Variants in CFAP119 observed in about 807,000 individuals in gnomAD.
CFAP119 encodes cilia and flagella associated protein 119, also known as cilia- and flagella-associated protein 119.
the CFAP119 span, chr16:30,761,981 C>T: frequency 1.8e-6 from 1 of 560,610 alleles, no homozygotes; most frequent in Non-Finnish European, 3.1e-6. Flanking sequence ...AGGCTCACGC[C>T]AGTGGGAGCG....
the CFAP119 span, chr16:30,761,800 C>G: frequency 6.6e-5 from 96 of 1,445,452 alleles, no homozygotes; most frequent in Admixed American, 2.2e-4. Context: ...CGCCTAGGTT[C>G]CAGGACAGCC....
chr16:30,761,749 C>CT, the CFAP119 span: 1 of 1,521,400 alleles, frequency 6.6e-7, no homozygotes, highest in Admixed American at 2.0e-5. Context: ...GGTTGAGCAT[C>CT]TCGCCGCTCT....
chr16:30,760,758 C>G, the CFAP119 span: 1 of 1,224,968 alleles, frequency 8.2e-7, no homozygotes, highest in Non-Finnish European at 1.2e-6. Context: ...GAGTTGGCCA[C>G]CGGCGTGAAG....
chr16:30,761,287 C>A, the CFAP119 span: 1 of 1,610,056 alleles, frequency 6.2e-7, no homozygotes, highest in East Asian at 2.2e-5. Context: ...CGTAGCGAAT[C>A]TCCAGCAGGC....
At chr16:30,759,745 C>G in the CFAP119 span, 1 of 1,594,508 alleles carries the variant, frequency 6.3e-7, no homozygotes, top group Non-Finnish European at 8.5e-7. Context: ...AAGCAAGATG[C>G]AGCAGTGAGG....
chr16:30,761,380 T>G, the CFAP119 span: 1 of 1,384,164 alleles, frequency 7.2e-7, no homozygotes, highest in Non-Finnish European at 1.0e-6. Flanking sequence ...AGGCCCTAGG[T>G]GCTCTACGCG....
At chr16:30,760,986 A>T in the CFAP119 span, 1 of 625,288 alleles carries the variant, frequency 1.6e-6, no homozygotes, top group Non-Finnish European at 2.8e-6. Context: ...ATGAGACTCC[A>T]TTTACATTCT....
the CFAP119 span, chr16:30,759,724 G>A: frequency 6.2e-7 from 1 of 1,606,532 alleles, no homozygotes; most frequent in Non-Finnish European, 8.5e-7. Context: ...CAAGGGGGTT[G>A]CTGGTAGGGA....
chr16:30,758,785 G>A, the CFAP119 span: 1 of 685,132 alleles, frequency 1.5e-6, no homozygotes, highest in Non-Finnish European at 2.3e-6. Flanking sequence ...GAACTCCTGA[G>A]CTCAGGCAAT....
At chr16:30,760,978 G>A in the CFAP119 span, 2 of 618,558 alleles carry the variant, frequency 3.2e-6, no homozygotes, top group Non-Finnish European at 5.7e-6. Context: ...TAGCGGCCAT[G>A]AGACTCCATT....
chr16:30,760,660 A>C, the CFAP119 span: 4 of 1,548,332 alleles, frequency 2.6e-6, no homozygotes, highest in Non-Finnish European at 2.6e-6. Context: ...ATGGACGTCC[A>C]GGTACTTCCT....
At chr16:30,759,550 A>G in the CFAP119 span, 1 of 1,614,124 alleles carries the variant, frequency 6.2e-7, no homozygotes, top group Non-Finnish European at 8.5e-7. Context: ...AGGAGAGCCC[A>G]CTGGGGTCTT....
At chr16:30,760,614 C>T in the CFAP119 span, 2 of 1,557,984 alleles carry the variant, frequency 1.3e-6, no homozygotes, top group African/African-American at 1.4e-5. Context: ...ACTCCCTCAT[C>T]TCAGCATTGG....
the CFAP119 span, chr16:30,760,823 C>G: frequency 1.4e-6 from 1 of 693,388 alleles, no homozygotes; most frequent in Non-Finnish European, 2.6e-6. Context: ...ACTCTCTGGG[C>G]CTAAATGAAC....
chr16:30,759,612 T>G, the CFAP119 span: 41 of 1,613,962 alleles, frequency 2.5e-5, no homozygotes, highest in South Asian at 1.1e-4. Flanking sequence ...AGACCTTGTC[T>G]GGGGATGGGT....
the CFAP119 span, chr16:30,759,068 G>T: frequency 9.9e-6 from 16 of 1,614,080 alleles, no homozygotes; most frequent in African/African-American, 1.3e-5. Flanking sequence ...CGGGGTAACT[G>T]CCTGCTCCTC....
chr16:30,758,645 T>A, the CFAP119 span: 1 of 287,348 alleles, frequency 3.5e-6, no homozygotes, highest in African/African-American at 2.2e-5. Flanking sequence ...AGTCTCCACC[T>A]CCTGGGTTCA....
chr16:30,760,582 TCCCACGCCCCCCTCAG>T, the CFAP119 span: 1 of 1,564,614 alleles, frequency 6.4e-7, no homozygotes, highest in African/African-American at 1.4e-5. Context: ...CAAGAGCTCT[TCCCACGCCCCCCTCAG>T]TCCCTACTCC....
the CFAP119 span, chr16:30,761,677 C>G: frequency 7.2e-6 from 11 of 1,535,788 alleles, no homozygotes; most frequent in South Asian, 1.2e-5. Context: ...CTTCCCGCCG[C>G]AGCTCGGAGA....
Sources: gnomAD v4.1 joint callset for allele counts on GRCh38, gnomAD v4.1.1 for gene constraint, MANE v1.5 for transcripts, NCBI Gene and HGNC (gene_info 2026-07-23, HGNC 2026-07-21) for gene names.